B3GNT5: variants seen among roughly 807,000 people sequenced by gnomAD.
B3GNT5 encodes lactosylceramide 1,3-N-acetyl-beta-D-glucosaminyltransferase.
A neutral mutation model predicts 25.9 loss-of-function variants in B3GNT5; 11 were observed. That is an observed-to-expected ratio of 0.42 (90% confidence interval 0.27 to 0.70). The LOEUF (loss-of-function observed/expected upper bound fraction) is 0.70, where lower values mean the gene tolerates loss of function less well. B3GNT5 is among the 30% of genes least tolerant of loss of function. The probability of loss-of-function intolerance (pLI) is 0.23; values close to 1 mark genes in which losing one functional copy is unlikely to be tolerated. For synonymous variants in B3GNT5, 166 were observed against 158.6 expected, an observed-to-expected ratio of 1.05 and a Z score of -0.35; for missense variants, 385 against 458.4, an observed-to-expected ratio of 0.84 and a Z score of 1.46.
rs553402451 is a variant in B3GNT5, at chr3:183,272,372, C to T, written c.*1437C>T. The T allele has an allele frequency of 1.0e-6, 1 of 1,000,198 alleles. No individual in the cohort carries two copies. Among genetic ancestry groups the T allele is most frequent in the African/African-American group, 1.7e-5 (1 of 57,338 alleles). The allele number at this position is 1,000,198 out of a possible 1,614,324, so 62.0% of individuals were successfully genotyped here. A position where few individuals can be genotyped will look rare whatever the true frequency, so the allele number is the denominator to read the frequency against. ...ACTCTAAGGCCTTTGACTGCAGAGG[C>T]ACCTGTTAGGGAAAATCAGATGTCT... On this transcript the variant is annotated 3_prime_UTR_variant, in exon 2 of 2. Transcript: ENST00000326505.
intron 1 of B3GNT5, among the ~76,000 whole-genome samples, chr3:183,256,705 T>C (rs900175675): frequency 2.0e-4 from 30 of 152,214 alleles, no homozygotes; most frequent in African/African-American, 6.0e-4. Context: ...CCTATAACTT[T>C]TTCATAGTGC....
intron 1 of B3GNT5, among the ~76,000 whole-genome samples, chr3:183,257,942 C>G (rs1725198232): frequency 6.8e-6 from 1 of 146,488 alleles, no homozygotes; most frequent in South Asian, 2.2e-4. Flanking sequence ...TTATTCCTTG[C>G]TCCCTCCACT....
chr3:183,265,161 T>C (rs1459573306), intron 1 of B3GNT5: 1 of 152,252 alleles, frequency 6.6e-6, no homozygotes, highest in African/African-American at 2.4e-5. Context: ...CATCCCTGAT[T>C]TGCAGATTAA....
chr3:183,259,054 G>A (rs1725346634), intron 1 of B3GNT5, among the ~76,000 whole-genome samples: 1 of 152,074 alleles, frequency 6.6e-6, no homozygotes, highest in East Asian at 1.9e-4. Flanking sequence ...TTTTTGATCT[G>A]TAGTTGGTTG....
intron 1 of B3GNT5, among the ~76,000 whole-genome samples, chr3:183,255,760 G>T (rs182790983): frequency 8.6e-5 from 13 of 151,604 alleles, no homozygotes; most frequent in African/African-American, 3.2e-4. Flanking sequence ...CATTAAAATG[G>T]TGATCAGTTT....
chr3:183,263,039 G>A (rs1435534323), intron 1 of B3GNT5, among the ~76,000 whole-genome samples: 1 of 152,084 alleles, frequency 6.6e-6, no homozygotes. Flanking sequence ...TGGGCAGGGT[G>A]GGGTGGCAGA....
chr3:183,266,517 A>G (rs1726136103), intron 1 of B3GNT5, among the ~76,000 whole-genome samples: 2 of 152,238 alleles, frequency 1.3e-5, no homozygotes, highest in South Asian at 2.1e-4. Context: ...TTCCAGATGT[A>G]TGGTGGAGGA....
Position 183,270,227 on chromosome 3 carries a change from A to G in B3GNT5, c.429A>G (p.Gln143=). 1 of 1,614,186 alleles carries G rather than the reference A, an allele frequency of 6.2e-7. No individual in the cohort carries two copies. Among genetic ancestry groups the G allele is most frequent in the Non-Finnish European group, 8.5e-7 (1 of 1,180,018 alleles). The part of the protein sequence containing the change: ...TPNPLEGEEL[Q]RKLAWEDQRY... ...ATCCACTGGAGGGAGAAGAACTACA[A>G]AGAAAACTGGCTTGGGAAGATCAAA... is the stretch of plus-strand genomic sequence containing the variant. The change falls in exon 2 of 2, where the codon CAA becomes CAG. Residue 143 remains glutamine, a synonymous_variant. Transcript: ENST00000326505. The surrounding 1 kb of genome is among the most constrained non-coding windows in gnomAD (Gnocchi z 4.5).
chr3:183,273,115 G>A lies in B3GNT5; in HGVS notation c.*2180G>A. The A allele has an allele frequency of 9.5e-7, 1 of 1,055,656 alleles. No homozygotes were observed. The highest frequency in any genetic ancestry group is 1.3e-6 in the Non-Finnish European group (1 of 744,432). 65.4% of individuals were successfully genotyped at this position (1,055,656 alleles called of 1,614,324 possible). A position where few individuals can be genotyped will look rare whatever the true frequency, so the allele number is the denominator to read the frequency against. ...TTAAAAAAGAAGGAAAAAACTTTTT[G>A]GTGCTCCAGTGTAGGGCTATCTTTT... is the stretch of plus-strand genomic sequence containing the variant. On this transcript the variant is annotated 3_prime_UTR_variant, in exon 2 of 2. Coordinates refer to ENST00000326505, the MANE Select transcript of B3GNT5 (RefSeq NM_032047.5).
At position 183,271,153 on chromosome 3, in the gene B3GNT5, G is replaced by C. The variant is rs903447574; in HGVS notation, c.*218G>C. ...TTCAAAGAATTTGTATTTAGAAAAG[G>C]TTTATATTATTAGTGAAAACAAAAC... On this transcript the variant is annotated 3_prime_UTR_variant, in exon 2 of 2. Transcript: ENST00000326505. 2.4e-6 allele frequency: 1 copy of C among 420,832 alleles called. No individual in the cohort carries two copies. The highest frequency in any genetic ancestry group is 4.2e-6 in the Non-Finnish European group (1 of 236,628). 26.1% of individuals were successfully genotyped at this position (420,832 alleles called of 1,614,324 possible).
chr3:183,270,173 C>T lies in B3GNT5; in HGVS notation c.375C>T (p.Ile125=). ...NYVRSQLNAN[I]KTLFALGTPN... ...TTCGGTCTCAGCTGAATGCCAACAT[C>T]AAAACTCTGTTTGCCTTAGGAACTC... The change falls in exon 2 of 2, where the codon ATC becomes ATT. Residue 125 remains isoleucine, a synonymous_variant. Coordinates refer to ENST00000326505, the MANE Select transcript of B3GNT5 (RefSeq NM_032047.5). This position sits in a 1 kb window ranked among gnomAD's most constrained non-coding sequence, Gnocchi z 4.5. The T allele has an allele frequency of 6.2e-7, 1 of 1,614,140 alleles. No homozygotes were observed. The highest frequency in any genetic ancestry group is 1.1e-5 in the South Asian group (1 of 91,078).
chr3:183,264,563 T>C lies in B3GNT5; in HGVS notation c.-301-4935T>C, dbSNP rs141419588. On this transcript the variant is annotated intron_variant, in intron 1 of 1. Transcript: ENST00000326505. ...TAAGAACCCGCAGAGTAAATACTCA[T>C]ATACTTGTAGGATTAATTGAAACAA... 3.3e-3 allele frequency among the ~76,000 whole-genome samples: 510 copies of C among 152,370 alleles called. 3 individuals are homozygous for C. Among genetic ancestry groups the C allele is most frequent in the Non-Finnish European group, 5.3e-3 (358 of 68,030 alleles).
intron 1 of B3GNT5, among the ~76,000 whole-genome samples, chr3:183,269,230 C>CTGTTTTTTTTTTTTTTTTTTTT (rs1726467965): frequency 1.2e-5 from 1 of 81,030 alleles, no homozygotes; most frequent in African/African-American, 6.4e-5. Context: ...GTTTGGGAAG[C>CTGTTTTTTTTTTTTTTTTTTTT]TTTTTTTTTT....
chr3:183,260,347 TAAG>T (rs1198449450), intron 1 of B3GNT5, among the ~76,000 whole-genome samples: 2 of 152,030 alleles, frequency 1.3e-5, no homozygotes, highest in Non-Finnish European at 2.9e-5. Flanking sequence ...AGAAGTTTCT[TAAG>T]TAGGCAAGAA....
At chr3:183,265,345 T>A (rs535685394) in intron 1 of B3GNT5, 8 of 152,458 alleles carry the variant, frequency 5.2e-5, no homozygotes, top group African/African-American at 1.7e-4. Context: ...GAGCTGCGCA[T>A]TCGGCATTGG....
At chr3:183,255,807 TAAA>T (rs543086878) in intron 1 of B3GNT5, among the ~76,000 whole-genome samples, 5 of 134,390 alleles carry the variant, frequency 3.7e-5, no homozygotes, top group Non-Finnish European at 4.9e-5. Flanking sequence ...GGTGAGATTG[TAAA>T]AAAAAAAAAA....
Position 183,273,196 on chromosome 3 carries a change from G to A in B3GNT5, c.*2261G>A, listed in dbSNP as rs1309814612. 7 of 468,622 alleles carry A rather than the reference G, an allele frequency of 1.5e-5. No individual in the cohort carries two copies. Among genetic ancestry groups the A allele is most frequent in the East Asian group, 3.5e-5 (1 of 28,260 alleles). The allele number at this position is 468,622 out of a possible 1,614,324, so 29.0% of individuals were successfully genotyped here. On this transcript the variant is annotated 3_prime_UTR_variant, in exon 2 of 2. Coordinates refer to ENST00000326505, the MANE Select transcript of B3GNT5 (RefSeq NM_032047.5). ...ATCAGCTTGGATGGTCACTTGAATA[G>A]AAGATGGTTATACACAGTGTTATTG...
chr3:183,264,155 C>A (rs1042427256), intron 1 of B3GNT5, among the ~76,000 whole-genome samples: 4 of 152,210 alleles, frequency 2.6e-5, no homozygotes, highest in African/African-American at 9.7e-5. Context: ...CCCTAAGACT[C>A]CTCTACCTGA....
At chr3:183,257,460 T>C (rs746577838) in intron 1 of B3GNT5, among the ~76,000 whole-genome samples, 3 of 152,250 alleles carry the variant, frequency 2.0e-5, no homozygotes, top group Non-Finnish European at 4.4e-5. Context: ...AAGTTAATGT[T>C]TGTTGAATTA....
Sources: gnomAD v4.1 joint callset for allele counts (sites outside exome capture counted in the v4.1 genomes callset) on GRCh38, gnomAD v4.1.1 for gene constraint, Gnocchi (gnomAD v3.1) non-coding constraint, MANE v1.5 for transcripts, NCBI Gene and HGNC (gene_info 2026-07-23, HGNC 2026-07-21) for gene names.